The following SMLR1 variants were observed in gnomAD, a reference collection of about 807,000 sequenced individuals.
SMLR1 encodes small leucine-rich protein 1.
Under a neutral mutation model 6.1 loss-of-function variants are expected in SMLR1, and 3 were observed. That is an observed-to-expected ratio of 0.49 (90% CI 0.22 to 1.28). SMLR1 has a LOEUF of 1.28. Among genes scored for constraint, SMLR1 ranks in the 50% most tolerant of loss-of-function variants. The pLI is 0.19. For missense variants in SMLR1, 126 were observed against 124.8 expected, an observed-to-expected ratio of 1.01 and a Z score of -0.05; for synonymous variants, 55 against 53.6, an observed-to-expected ratio of 1.03 and a Z score of -0.11.
Position 130,835,130 on chromosome 6 carries a change from C to T in SMLR1, c.*175C>T. On this transcript the variant is annotated 3_prime_UTR_variant, in exon 2 of 2. Transcript: ENST00000541421. ...AAGTGGCAGCTATTATCTAAGGGGA[C>T]TTCTCAGAGACTCAGTATAACAGCA... 1 of 594,496 alleles carries T rather than the reference C, an allele frequency of 1.7e-6. No homozygotes were observed. Among genetic ancestry groups the T allele is most frequent in the Non-Finnish European group, 3.0e-6 (1 of 336,350 alleles). 36.8% of individuals were successfully genotyped at this position (594,496 alleles called of 1,614,324 possible).
At position 130,834,900 on chromosome 6, in the gene SMLR1, G is replaced by C; in HGVS notation, c.269G>C (p.Arg90Pro). Reference protein sequence around the residue: ...VNEELSQNCDRQHNPKDGSSL... With the variant: ...VNEELSQNCDPQHNPKDGSSL... The stretch of plus-strand genomic sequence containing the variant: ...GAAGAACTGTCCCAGAACTGTGATC[G>C]CCAACATAATCCCAAGGATGGCTCT... Residue 90 changes from arginine to proline, a missense_variant, in exon 2 of 2, where the codon CGC (arginine) becomes CCC (proline). Coordinates refer to ENST00000541421, the MANE Select transcript of SMLR1 (RefSeq NM_001195597.2). 1 of 1,535,174 alleles carries C rather than the reference G, an allele frequency of 6.5e-7. No homozygotes were observed. Among genetic ancestry groups the C allele is most frequent in the South Asian group, 1.2e-5 (1 of 84,020 alleles).
At chr6:130,830,305 G>GT (rs1378980866) in intron 1 of SMLR1, among the ~76,000 whole-genome samples, 1 of 152,024 alleles carries the variant, frequency 6.6e-6, no homozygotes, top group African/African-American at 2.4e-5. Flanking sequence ...ATTTTCTGTG[G>GT]TTTTTCCCCA....
In SMLR1 at chr6:130,827,669, C is replaced by T; in HGVS notation, c.238+18C>T. On this transcript the variant is annotated intron_variant, in intron 1 of 1. Coordinates refer to ENST00000541421, the MANE Select transcript of SMLR1 (RefSeq NM_001195597.2). ...GATTGAGGGTAAGTGTGAGGCCACA[C>T]AAGGAAGAACTTGGGCATCCTTTCC... is the stretch of plus-strand genomic sequence containing the variant. 1 of 1,523,916 alleles carries T rather than the reference C, an allele frequency of 6.6e-7. No individual in the cohort carries two copies. The highest frequency in any genetic ancestry group is 8.8e-7 in the Non-Finnish European group (1 of 1,135,982). The allele number at this position is 1,523,916 out of a possible 1,614,324, so 94.4% of individuals were successfully genotyped here.
chr6:130,830,352 C>T (rs926801217), intron 1 of SMLR1, among the ~76,000 whole-genome samples: 4 of 151,968 alleles, frequency 2.6e-5, no homozygotes, highest in South Asian at 4.2e-4. Flanking sequence ...TTGAAGTGTG[C>T]CTGGAGCTTC....
Position 130,832,067 on chromosome 6 carries a change from T to C in SMLR1, c.239-2803T>C, listed in dbSNP as rs1021500435. Among the ~76,000 whole-genome samples, 4 of 152,278 alleles carry C rather than the reference T, an allele frequency of 2.6e-5. No individual in the cohort carries two copies. The East Asian group carries it at 7.7e-4, about 29-fold the overall frequency. On this transcript the variant is annotated intron_variant, in intron 1 of 1. Coordinates refer to ENST00000541421, the MANE Select transcript of SMLR1 (RefSeq NM_001195597.2). ...TGGGGTGGAAGTATGTGTCATGAAC[T>C]TCCCATAGCCAATCCCTGCATCAGC...
At chr6:130,833,191 C>G (rs368537846) in intron 1 of SMLR1, among the ~76,000 whole-genome samples, 1 of 152,148 alleles carries the variant, frequency 6.6e-6, no homozygotes, top group Non-Finnish European at 1.5e-5. Flanking sequence ...TTACTTCTCT[C>G]ACTCTCCATA....
At chr6:130,828,382 A>G (rs1774342414) in intron 1 of SMLR1, among the ~76,000 whole-genome samples, 1 of 152,226 alleles carries the variant, frequency 6.6e-6, no homozygotes, top group Admixed American at 6.5e-5. Flanking sequence ...ACATGAGATT[A>G]ATATCATCAA....
intron 1 of SMLR1, among the ~76,000 whole-genome samples, chr6:130,834,639 T>C (rs1774587396): frequency 6.6e-6 from 1 of 152,160 alleles, no homozygotes; most frequent in Non-Finnish European, 1.5e-5. Context: ...CAGTGGTAGT[T>C]TGTTTGCTCT....
intron 1 of SMLR1, 84 bp from the exon 2 acceptor site, chr6:130,834,786 T>C: frequency 1.7e-6 from 2 of 1,150,190 alleles, no homozygotes; most frequent in Admixed American, 4.0e-5. Context: ...GTGTCAGATA[T>C]GCTGGCCAAC....
rs1461942782 is a variant in SMLR1, at chr6:130,836,370, C to T, written c.*1415C>T. The T allele has an allele frequency of 6.6e-6, 1 of 152,148 alleles. No homozygotes were observed. Among genetic ancestry groups the T allele is most frequent in the Non-Finnish European group, 1.5e-5 (1 of 68,006 alleles). The allele number at this position is 152,148 out of a possible 1,614,324, so 9.4% of individuals were successfully genotyped here. A position where few individuals can be genotyped will look rare whatever the true frequency, so the allele number is the denominator to read the frequency against. On this transcript the variant is annotated 3_prime_UTR_variant, in exon 2 of 2. Transcript: ENST00000541421. The stretch of plus-strand genomic sequence containing the variant: ...AAATCAGCTTATGTAAAAATGCTTT[C>T]TTTAACAGAAAGTGTGAAAGGACAG...
In SMLR1 at chr6:130,829,500, C is replaced by T. The variant is rs909942485; in HGVS notation, c.238+1849C>T. Among the ~76,000 whole-genome samples the T allele has an allele frequency of 6.6e-5, 10 of 152,190 alleles. No homozygotes were observed. In the South Asian group the frequency reaches 2.1e-3, roughly 32 times the overall value. On this transcript the variant is annotated intron_variant, in intron 1 of 1. Coordinates refer to ENST00000541421, the MANE Select transcript of SMLR1 (RefSeq NM_001195597.2). ...ATGCAGGGGAAATGCAGTCCAAGTGCCAGCCCCAGAGGAAGTGCTCCATGT... is the reference window on the plus strand; with the variant it reads ...ATGCAGGGGAAATGCAGTCCAAGTGTCAGCCCCAGAGGAAGTGCTCCATGT...
At chr6:130,828,410 G>A (rs949496843) in intron 1 of SMLR1, among the ~76,000 whole-genome samples, 1 of 152,056 alleles carries the variant, frequency 6.6e-6, no homozygotes, top group Non-Finnish European at 1.5e-5. Flanking sequence ...AACTATTTTA[G>A]CAAAATCAAC....
intron 1 of SMLR1, among the ~76,000 whole-genome samples, chr6:130,830,005 C>G (rs6914649): frequency 0.035 from 5,384 of 152,220 alleles, 114 homozygotes; most frequent in Middle Eastern, 0.065. Flanking sequence ...GTTAGTCTAT[C>G]ATATACCACA....
chr6:130,830,919 A>C (rs563449536), intron 1 of SMLR1, among the ~76,000 whole-genome samples: 4 of 152,156 alleles, frequency 2.6e-5, no homozygotes, highest in African/African-American at 9.7e-5. Flanking sequence ...ATAATCAAGA[A>C]CTAACCATAA....
Position 130,836,785 on chromosome 6 carries a change from AG to A in SMLR1, c.*1831del, listed in dbSNP as rs1456969857. 6.6e-6 allele frequency: 1 copy of A among 152,216 alleles called. No homozygotes were observed. The highest frequency in any genetic ancestry group is 6.5e-5 in the Admixed American group (1 of 15,278). The allele number at this position is 152,216 out of a possible 1,614,324, so 9.4% of individuals were successfully genotyped here. On this transcript the variant is annotated 3_prime_UTR_variant, in exon 2 of 2. Coordinates refer to ENST00000541421, the MANE Select transcript of SMLR1 (RefSeq NM_001195597.2). Reference sequence around the variant, plus strand: ...AACGAATTTGTCAAATCCTTTATCCAGCACAGCTTTACCAAGCAGCTGCACA... The same window carrying A: ...AACGAATTTGTCAAATCCTTTATCCACACAGCTTTACCAAGCAGCTGCACA...
Position 130,834,954 on chromosome 6 carries a change from G to A in SMLR1, c.323G>A (p.Ter108=), listed in dbSNP as rs1032645318. 8 of 1,535,132 alleles carry A rather than the reference G, an allele frequency of 5.2e-6. No individual in the cohort carries two copies. Among genetic ancestry groups the A allele is most frequent in the Non-Finnish European group, 6.1e-6 (7 of 1,146,144 alleles). ...CTGTACCAGAGAATGAAATGGACGT[G>A]AAGTTGGGGACTTTCCAATAACTAA... ...SSLYQRMKWT[*] is the part of the protein sequence containing the mutation. Residue 108 remains the stop codon, a stop_retained_variant, in exon 2 of 2, where the codon TGA becomes TAA. Coordinates refer to ENST00000541421, the MANE Select transcript of SMLR1 (RefSeq NM_001195597.2).
intron 1 of SMLR1, among the ~76,000 whole-genome samples, chr6:130,829,576 T>C (rs181714520): frequency 3.3e-5 from 5 of 152,312 alleles, no homozygotes; most frequent in Admixed American, 3.3e-4. Flanking sequence ...TCTTCAGCAC[T>C]TCCCTGCCCG....
At chr6:130,830,443 C>A (rs1774406731) in intron 1 of SMLR1, among the ~76,000 whole-genome samples, 1 of 152,122 alleles carries the variant, frequency 6.6e-6, no homozygotes, top group South Asian at 2.1e-4. Context: ...AAAATGTGTG[C>A]ATCCGTTACT....
Position 130,834,900 on chromosome 6 carries a change from G to A in SMLR1, c.269G>A (p.Arg90His), listed in dbSNP as rs866218315. Residue 90 changes from arginine (R) to histidine (H), a missense_variant, in exon 2 of 2, where the codon CGC (arginine) becomes CAC (histidine). Transcript: ENST00000541421. ...GAAGAACTGTCCCAGAACTGTGATC[G>A]CCAACATAATCCCAAGGATGGCTCT... Reference protein sequence around the residue: ...VNEELSQNCDRQHNPKDGSSL... With the variant: ...VNEELSQNCDHQHNPKDGSSL... The A allele has an allele frequency of 1.2e-5, 18 of 1,535,056 alleles. No homozygotes were observed. Among genetic ancestry groups the A allele is most frequent in the South Asian group, 7.1e-5 (6 of 84,024 alleles).
Sources: gnomAD v4.1 joint callset for allele counts (sites outside exome capture counted in the v4.1 genomes callset) on GRCh38, gnomAD v4.1.1 for gene constraint, MANE v1.5 for transcripts, NCBI Gene and HGNC (gene_info 2026-07-23, HGNC 2026-07-21) for gene names.